Variants in CTNNA1 observed in about 807,000 individuals in gnomAD.
CTNNA1 encodes the protein catenin alpha-1.
Under a neutral mutation model 98.4 loss-of-function variants are expected in CTNNA1, and 37 were observed. That is an observed-to-expected ratio of 0.38 (90% CI 0.29 to 0.49). The LOEUF is 0.49. Ranked by LOEUF, CTNNA1 falls within the 20% of genes least tolerant of loss-of-function variation. The pLI, the probability that CTNNA1 is intolerant of heterozygous loss-of-function variation, is 0.95. For missense variants in CTNNA1, 761 were observed against 1,147.2 expected (o/e 0.66, Z 4.86); for synonymous variants, 404 against 413.2 (o/e 0.98, Z 0.27).
At chr5:138,760,359 TATC>T in intron 1 of CTNNA1, among the ~76,000 whole-genome samples, 1 of 127,780 alleles carries the variant, frequency 7.8e-6, no homozygotes, top group East Asian at 2.7e-4. Context: ...ATATTTTGTT[TATC>T]CATTCATACT....
At chr5:138,868,545 G>T (rs1251796517) in intron 7 of CTNNA1, among the ~76,000 whole-genome samples, 2 of 152,160 alleles carry the variant, frequency 1.3e-5, no homozygotes, top group Non-Finnish European at 2.9e-5. Context: ...GTACCTTTCC[G>T]AAGCTCTCTG....
intron 7 of CTNNA1, among the ~76,000 whole-genome samples, chr5:138,841,147 T>C (rs949199121): frequency 6.6e-6 from 1 of 152,244 alleles, no homozygotes. Context: ...GATTATTTTA[T>C]TCATTTTCAG....
chr5:138,926,425 C>T (rs769573709), intron 13 of CTNNA1, among the ~76,000 whole-genome samples: 5 of 152,264 alleles, frequency 3.3e-5, no homozygotes, highest in African/African-American at 9.6e-5. Flanking sequence ...CCGCAGAAGC[C>T]GCGGCCATTT....
chr5:138,855,062 G>A (rs755700932), intron 7 of CTNNA1, among the ~76,000 whole-genome samples: 16 of 152,194 alleles, frequency 1.1e-4, no homozygotes, highest in Non-Finnish European at 1.6e-4. Context: ...GTTTTGAGAC[G>A]GAGTCTCACT....
intron 1 of CTNNA1, among the ~76,000 whole-genome samples, chr5:138,766,399 T>A (rs1395599024): frequency 6.6e-6 from 1 of 151,526 alleles, no homozygotes; most frequent in African/African-American, 2.4e-5. Context: ...GCGAGGCTTG[T>A]AGGAGTTTTT....
chr5:138,924,601 A>G lies in CTNNA1; in HGVS notation c.1638A>G (p.Arg546=). 6.2e-7 allele frequency: 1 copy of G among 1,614,178 alleles called. No homozygotes were observed. Among genetic ancestry groups the G allele is most frequent in the Non-Finnish European group, 8.5e-7 (1 of 1,180,028 alleles). The change falls in exon 12 of 18, where the codon CGA becomes CGG. Residue 546 remains arginine, a synonymous_variant. Coordinates refer to ENST00000302763, the MANE Select transcript of CTNNA1 (RefSeq NM_001903.5). ...TGGACCGCACAGCTGGTGCAATTCG[A>G]GGCCGGGCAGCCCGGGTCATTCACG... ...DGLDRTAGAI[R]GRAARVIHVV...
rs912837053 is a variant in CTNNA1 at position 138,795,106 on chromosome 5, C to T, written c.301+11734C>T. ...TGAAGCTTGCAATAAGCCAAGGTTG[C>T]GCCACTGCACACCACCACCACCCTA... On this transcript the variant is annotated intron_variant, in intron 3 of 17. Transcript: ENST00000302763. Among the ~76,000 whole-genome samples, 7 of 140,532 alleles carry T rather than the reference C, an allele frequency of 5.0e-5. No homozygotes were observed. In the East Asian group the frequency reaches 6.4e-4, roughly 13 times the overall value. 92.2% of individuals were successfully genotyped at this position (140,532 alleles called of 152,430 possible).
chr5:138,764,532 C>T (rs1002834592), intron 1 of CTNNA1, among the ~76,000 whole-genome samples: 1 of 151,704 alleles, frequency 6.6e-6, no homozygotes, highest in Non-Finnish European at 1.5e-5. Flanking sequence ...AGTGCAGTGG[C>T]ATGATCTCAG....
intron 7 of CTNNA1, among the ~76,000 whole-genome samples, chr5:138,839,224 A>AT (rs113957482): frequency 0.012 from 1,770 of 147,712 alleles, 26 homozygotes; most frequent in African/African-American, 0.042. Context: ...TCTGCTTTTT[A>AT]TTTTTTTTTT....
rs2150335534 is a variant in CTNNA1 at position 138,930,670 on chromosome 5, G to C, written c.2192+16G>C. 6.2e-7 allele frequency: 1 copy of C among 1,605,594 alleles called. No homozygotes were observed. The highest frequency in any genetic ancestry group is 8.5e-7 in the Non-Finnish European group (1 of 1,174,648). On this transcript the variant is annotated intron_variant, in intron 15 of 17. Coordinates refer to ENST00000302763, the MANE Select transcript of CTNNA1 (RefSeq NM_001903.5). ...ACTTTACCCGGTGAGCAGCACCCCG[G>C]CCCCACCAGGCTGCACAGGGGCTAC...
intron 7 of CTNNA1, among the ~76,000 whole-genome samples, chr5:138,837,085 G>A (rs372020699): frequency 1.3e-5 from 2 of 152,128 alleles, no homozygotes; most frequent in Admixed American, 6.5e-5. Flanking sequence ...TCGTCCTTTC[G>A]AGGTAATGAT....
intron 7 of CTNNA1, chr5:138,880,375 G>A (rs1350167288): frequency 6.6e-6 from 1 of 152,438 alleles, no homozygotes; most frequent in Non-Finnish European, 1.5e-5. Context: ...CTGGGCTCAA[G>A]CTGTCCTCCC....
At chr5:138,818,118 CT>C (rs904669286) in intron 5 of CTNNA1, among the ~76,000 whole-genome samples, 1 of 150,518 alleles carries the variant, frequency 6.6e-6, no homozygotes, top group Non-Finnish European at 1.5e-5. Flanking sequence ...TGATTTCCCC[CT>C]TTTTTTTCCT....
At chr5:138,795,839 T>A (rs931872582) in intron 3 of CTNNA1, among the ~76,000 whole-genome samples, 1 of 152,156 alleles carries the variant, frequency 6.6e-6, no homozygotes, top group African/African-American at 2.4e-5. Context: ...TGAACATGTG[T>A]TTTGATAGTA....
Position 138,812,263 on chromosome 5 carries a change from A to G in CTNNA1, c.549A>G (p.Glu183=), listed in dbSNP as rs2149736762. 1 of 1,613,960 alleles carries G rather than the reference A, an allele frequency of 6.2e-7. No individual in the cohort carries two copies. The highest frequency in any genetic ancestry group is 8.5e-7 in the Non-Finnish European group (1 of 1,179,918). ...TCCAGTATAAAGCCCTAAAACCTGA[A>G]GTGGATAAGCTGAACATTATGGCAG... ...LGIQYKALKP[E]VDKLNIMAAK... The change falls in exon 5 of 18, where the codon GAA becomes GAG. Residue 183 remains glutamate (E), a synonymous_variant. Transcript: ENST00000302763.
At chr5:138,866,448 A>C (rs1764796635) in intron 7 of CTNNA1, among the ~76,000 whole-genome samples, 1 of 152,098 alleles carries the variant, frequency 6.6e-6, no homozygotes, top group East Asian at 1.9e-4. Flanking sequence ...GGTTTTTGGT[A>C]AAATCTTGAT....
At chr5:138,853,656 A>C (rs976000353) in intron 7 of CTNNA1, among the ~76,000 whole-genome samples, 1 of 152,208 alleles carries the variant, frequency 6.6e-6, no homozygotes, top group Non-Finnish European at 1.5e-5. Context: ...AAATCACAGA[A>C]GCAGAAGAAC....
chr5:138,816,804 A>T (rs1023151568), intron 5 of CTNNA1, among the ~76,000 whole-genome samples: 4 of 151,996 alleles, frequency 2.6e-5, no homozygotes, highest in Non-Finnish European at 4.4e-5. Context: ...AAGTTCAAGC[A>T]ATTCCTGTCT....
At chr5:138,920,810 A>G (rs1762773058) in intron 11 of CTNNA1, among the ~76,000 whole-genome samples, 1 of 152,142 alleles carries the variant, frequency 6.6e-6, no homozygotes, top group Admixed American at 6.5e-5. Context: ...TTTGTTCTGG[A>G]TATTCTGCCC....
Sources: gnomAD v4.1 joint callset for allele counts (sites outside exome capture counted in the v4.1 genomes callset) on GRCh38, gnomAD v4.1.1 for gene constraint, MANE v1.5 for transcripts, NCBI Gene and HGNC (gene_info 2026-07-23, HGNC 2026-07-21) for gene names.